Variants in GAS2 observed in about 807,000 individuals in gnomAD.
The protein encoded by GAS2 is growth arrest-specific protein 2.
A neutral mutation model predicts 37.5 loss-of-function variants in GAS2; 20 were observed. The ratio of observed to expected loss-of-function variants is 0.53; its 90% CI spans 0.37 to 0.77. The LOEUF (loss-of-function observed/expected upper bound fraction) is 0.77. Among genes scored for constraint, GAS2 ranks in the 30% least tolerant of loss-of-function variants. The pLI, the probability that GAS2 is intolerant of heterozygous loss-of-function variation, is 0.00. For missense variants in GAS2, 336 were observed against 373.4 expected (o/e 0.90, Z 0.82); for synonymous variants, 144 against 132.2 (o/e 1.09, Z -0.61).
chr11:22,637,834 A>C (rs1858857891), intron 1 of GAS2, among the ~76,000 whole-genome samples: 1 of 148,944 alleles, frequency 6.7e-6, no homozygotes, highest in Non-Finnish European at 1.5e-5. Context: ...TATATATTTG[A>C]AGCCCAAAGC....
chr11:22,683,259 G>A (rs543481166), intron 2 of GAS2, among the ~76,000 whole-genome samples: 2 of 151,030 alleles, frequency 1.3e-5, no homozygotes, highest in Non-Finnish European at 2.9e-5. Context: ...TGTTCCAGTC[G>A]GATTTTATTT....
At chr11:22,717,983 C>A (rs337436) in intron 3 of GAS2, among the ~76,000 whole-genome samples, 134,017 of 152,084 alleles carry the variant, frequency 0.88, 61,290 homozygotes, top group East Asian at 1. Flanking sequence ...GTTGGCATGG[C>A]TATGGTAAAA....
chr11:22,784,299 A>G (rs899778121), intron 7 of GAS2, among the ~76,000 whole-genome samples: 6 of 152,156 alleles, frequency 3.9e-5, no homozygotes, highest in Admixed American at 2.0e-4. Context: ...GAAAGTAATG[A>G]TATCATTTAA....
Position 22,650,920 on chromosome 11 carries a change from T to G in GAS2, c.-20-23930T>G, listed in dbSNP as rs900863854. On this transcript the variant is annotated intron_variant, in intron 1 of 5. Coordinates refer to the GAS2 transcript ENST00000528582. The stretch of plus-strand genomic sequence containing the variant: ...ATTGGAGCATTTAGTCCATTTACAT[T>G]TAAAGTTAATATTGTTATGTGTGAA... Among the ~76,000 whole-genome samples, 126 of 151,394 alleles carry G rather than the reference T, an allele frequency of 8.3e-4. 1 individual carries two copies. The highest frequency in any genetic ancestry group is 2.4e-4 in the Non-Finnish European group (16 of 67,440).
At chr11:22,654,938 T>C (rs1848838748) in intron 1 of GAS2, among the ~76,000 whole-genome samples, 1 of 152,136 alleles carries the variant, frequency 6.6e-6, no homozygotes, top group Non-Finnish European at 1.5e-5. Context: ...AAATATGTAG[T>C]GTGCGATGCT....
intron 1 of GAS2, among the ~76,000 whole-genome samples, chr11:22,640,380 T>G (rs1362390672): frequency 6.6e-6 from 1 of 152,212 alleles, no homozygotes; most frequent in Non-Finnish European, 1.5e-5. Flanking sequence ...ATTTGCATAA[T>G]CATAGTAATG....
chr11:22,636,443 C>T (rs1858822403), intron 1 of GAS2, among the ~76,000 whole-genome samples: 1 of 152,128 alleles, frequency 6.6e-6, no homozygotes. Context: ...ATGAATTCTA[C>T]CACTTACCCT....
intron 1 of GAS2, among the ~76,000 whole-genome samples, chr11:22,673,817 C>T (rs531023523): frequency 1.3e-4 from 20 of 152,316 alleles, no homozygotes; most frequent in Non-Finnish European, 4.4e-5. Context: ...TTTTCTACAA[C>T]CCAAGTAGGG....
intron 7 of GAS2, among the ~76,000 whole-genome samples, chr11:22,802,698 C>T (rs1856720697): frequency 6.6e-6 from 1 of 151,984 alleles, no homozygotes; most frequent in Non-Finnish European, 1.5e-5. Flanking sequence ...TCTTTTATTT[C>T]TTATCAACAA....
rs541109725 is a variant in GAS2 at position 22,730,922 on chromosome 11, G to A, written c.409+4489G>A. On this transcript the variant is annotated intron_variant, in intron 4 of 7. Transcript: ENST00000454584. ...TCATTTAAATAAATAATTTAACCACGTTTTCTAAAATGATGTTGAGTGTTT... is the reference window on the plus strand; with the variant it reads ...TCATTTAAATAAATAATTTAACCACATTTTCTAAAATGATGTTGAGTGTTT... Among the ~76,000 whole-genome samples the A allele has an allele frequency of 4.0e-5, 6 of 151,648 alleles. No homozygotes were observed. The East Asian group carries it at 7.7e-4, about 20-fold the overall frequency.
chr11:22,631,588 A>G (rs1858745650), intron 1 of GAS2, among the ~76,000 whole-genome samples: 4 of 151,988 alleles, frequency 2.6e-5, no homozygotes, highest in South Asian at 2.1e-4. Context: ...TCATATGGCT[A>G]TTGCTTTAAT....
chr11:22,735,196 A>AGTC (rs1852683472), intron 4 of GAS2, among the ~76,000 whole-genome samples: 1 of 138,854 alleles, frequency 7.2e-6, no homozygotes, highest in African/African-American at 2.6e-5. Flanking sequence ...GATTTATCTT[A>AGTC]GTCATTGCTT....
intron 1 of GAS2, among the ~76,000 whole-genome samples, chr11:22,647,660 T>C (rs1204369054): frequency 1.3e-5 from 2 of 152,250 alleles, no homozygotes; most frequent in Non-Finnish European, 2.9e-5. Context: ...GATTTGCATT[T>C]CTCTGATGGC....
chr11:22,653,718 G>A (rs1848823706), intron 1 of GAS2, among the ~76,000 whole-genome samples: 2 of 139,804 alleles, frequency 1.4e-5, no homozygotes, highest in African/African-American at 6.1e-5. Flanking sequence ...GTCACAGTTA[G>A]GATTGAGACA....
chr11:22,694,818 A>T (rs2133987494), intron 3 of GAS2, among the ~76,000 whole-genome samples: 1 of 152,304 alleles, frequency 6.6e-6, no homozygotes, highest in Non-Finnish European at 1.5e-5. Context: ...TACCCTCAAA[A>T]TCTATTGCAA....
intron 1 of GAS2, among the ~76,000 whole-genome samples, chr11:22,645,315 C>G (rs1848676197): frequency 6.6e-6 from 1 of 152,038 alleles, no homozygotes; most frequent in Admixed American, 6.5e-5. Context: ...TAAGACCATC[C>G]TGGTCAACAT....
intron 3 of GAS2, chr11:22,688,202 T>C (rs190139444): frequency 2.0e-5 from 3 of 152,282 alleles, no homozygotes; most frequent in Admixed American, 6.5e-5. Flanking sequence ...ATAGGATTAA[T>C]AATTACATAT....
chr11:22,711,673 G>A (rs1193554947), intron 3 of GAS2, among the ~76,000 whole-genome samples: 1 of 152,204 alleles, frequency 6.6e-6, no homozygotes, highest in African/African-American at 2.4e-5. Flanking sequence ...GAAGCATGGT[G>A]GGAGTGAGAT....
intron 4 of GAS2, among the ~76,000 whole-genome samples, chr11:22,732,786 A>G (rs935302399): frequency 6.6e-6 from 1 of 150,900 alleles, no homozygotes; most frequent in Non-Finnish European, 1.5e-5. Flanking sequence ...CATCATCATC[A>G]TCATCATCAT....
Sources: allele counts gnomAD v4.1 joint callset (sites outside exome capture counted in the v4.1 genomes callset), GRCh38; gene constraint gnomAD v4.1.1; transcripts MANE v1.5; gene names NCBI Gene and HGNC (gene_info 2026-07-23, HGNC 2026-07-21).